Variants in ABCA13 observed in about 807,000 individuals in gnomAD.
ABCA13 encodes the protein ATP-binding cassette sub-family A member 13.
A neutral mutation model predicts 478.7 loss-of-function variants in ABCA13; 476 were observed. That is an observed-to-expected ratio of 0.99 (90% CI 0.92 to 1.07). ABCA13 has a LOEUF of 1.07. ABCA13 is among the 50% of genes least tolerant of loss of function. The pLI is 0.00. For synonymous variants in ABCA13, 2,252 were observed against 2,158.9 expected, an observed-to-expected ratio of 1.04 and a Z score of -1.20; for missense variants, 6,060 against 5,910.6, an observed-to-expected ratio of 1.03 and a Z score of -0.83.
intron 51 of ABCA13, among the ~76,000 whole-genome samples, chr7:48,515,440 G>T (rs1832033726): frequency 6.6e-6 from 1 of 152,174 alleles, no homozygotes; most frequent in Non-Finnish European, 1.5e-5. Flanking sequence ...TGAAGAAAAT[G>T]AGATGTTTTC....
intron 56 of ABCA13, among the ~76,000 whole-genome samples, chr7:48,583,429 C>CTAG (rs1788887084): frequency 6.6e-6 from 1 of 152,122 alleles, no homozygotes; most frequent in African/African-American, 2.4e-5. Flanking sequence ...ATTATGTGTG[C>CTAG]TAGTGGAAAC....
At chr7:48,225,135 G>GCCTTCCTTCCTTCCTTCCTTCCTT (rs1202516045) in intron 5 of ABCA13, among the ~76,000 whole-genome samples, 52 of 69,856 alleles carry the variant, frequency 7.4e-4, no homozygotes, top group Non-Finnish European at 9.4e-4. Flanking sequence ...CTGCCTGCCT[G>GCCTTCCTTCCTTCCTTCCTTCCTT]CCTTCCTTCC....
rs777019123 is a variant in ABCA13, at chr7:48,248,454, T to C, written c.1865+10T>C. On this transcript the variant is annotated intron_variant, in intron 14 of 61. Transcript: ENST00000435803. The stretch of plus-strand genomic sequence containing the variant: ...AGCTTGTCTCCACAGTGTAAGTACA[T>C]GTTTGGTGGGAAACTTATAAACAAT... 1.8e-5 allele frequency: 28 copies of C among 1,557,366 alleles called. No individual in the cohort carries two copies. In the South Asian group the frequency reaches 3.3e-4, roughly 19 times the overall value.
At chr7:48,602,568 G>T (rs1791018371) in intron 58 of ABCA13, among the ~76,000 whole-genome samples, 1 of 152,122 alleles carries the variant, frequency 6.6e-6, no homozygotes, top group South Asian at 2.1e-4. Flanking sequence ...CCTCTGTTCT[G>T]TTCCCTTGGT....
At chr7:48,267,799 T>C (rs547450129) in intron 15 of ABCA13, among the ~76,000 whole-genome samples, 11 of 152,320 alleles carry the variant, frequency 7.2e-5, no homozygotes, top group African/African-American at 2.2e-4. Flanking sequence ...TTTCTCTTCT[T>C]TATGGGTCAT....
At chr7:48,462,448 C>T (rs552255415) in intron 43 of ABCA13, among the ~76,000 whole-genome samples, 3 of 151,746 alleles carry the variant, frequency 2.0e-5, no homozygotes, top group Non-Finnish European at 4.4e-5. Flanking sequence ...AGGATTCCCC[C>T]CCCCCTACTG....
At chr7:48,568,708 G>A (rs910939075) in intron 55 of ABCA13, among the ~76,000 whole-genome samples, 7 of 151,950 alleles carry the variant, frequency 4.6e-5, no homozygotes, top group Non-Finnish European at 8.8e-5. Flanking sequence ...ATATTTGGTA[G>A]AACTCACCAG....
At chr7:48,357,639 A>C (rs1455944975) in intron 31 of ABCA13, among the ~76,000 whole-genome samples, 1 of 151,996 alleles carries the variant, frequency 6.6e-6, no homozygotes, top group Non-Finnish European at 1.5e-5. Context: ...ACATTTAAAA[A>C]AATCATCTCA....
At chr7:48,608,148 T>C (rs1392563460) in intron 58 of ABCA13, among the ~76,000 whole-genome samples, 2 of 152,210 alleles carry the variant, frequency 1.3e-5, no homozygotes, top group African/African-American at 2.4e-5. Context: ...CCCAAAGTGC[T>C]GGGATTACAG....
intron 5 of ABCA13, among the ~76,000 whole-genome samples, chr7:48,226,124 TG>T (rs2128980551): frequency 6.6e-6 from 1 of 152,144 alleles, no homozygotes; most frequent in African/African-American, 2.4e-5. Context: ...TGCATAAAGT[TG>T]TAGCTATTGA....
chr7:48,551,833 A>C (rs1275407342), intron 55 of ABCA13, among the ~76,000 whole-genome samples: 1 of 151,820 alleles, frequency 6.6e-6, no homozygotes, highest in Non-Finnish European at 1.5e-5. Context: ...AAAGACAAGA[A>C]TGCACATGCC....
At chr7:48,609,348 G>A (rs1414940388) in intron 58 of ABCA13, among the ~76,000 whole-genome samples, 2 of 152,020 alleles carry the variant, frequency 1.3e-5, no homozygotes, top group Non-Finnish European at 1.5e-5. Context: ...CCATATCCAT[G>A]CAGTACAAAG....
chr7:48,575,948 GA>G (rs562787405), intron 55 of ABCA13, among the ~76,000 whole-genome samples: 18 of 151,960 alleles, frequency 1.2e-4, no homozygotes, highest in Non-Finnish European at 2.5e-4. Context: ...AAAATATTCA[GA>G]AAAAAAGGGA....
chr7:48,182,954 C>T (rs1245894115), intron 1 of ABCA13, among the ~76,000 whole-genome samples: 1 of 152,208 alleles, frequency 6.6e-6, no homozygotes, highest in Non-Finnish European at 1.5e-5. Flanking sequence ...CAAAATACAT[C>T]TGGGAAAGTC....
intron 55 of ABCA13, among the ~76,000 whole-genome samples, chr7:48,551,686 A>G (rs1249829040): frequency 2.7e-5 from 4 of 150,742 alleles, no homozygotes; most frequent in African/African-American, 7.3e-5. Flanking sequence ...TTCATTCATT[A>G]TAATAATGCT....
rs902357440 is a variant in ABCA13, at chr7:48,392,005, C to T, written c.11739C>T (p.Val3913=). The T allele has an allele frequency of 6.2e-7, 1 of 1,613,874 alleles. No homozygotes were observed. Among genetic ancestry groups the T allele is most frequent in the African/African-American group, 1.3e-5 (1 of 74,908 alleles). Residue 3913 remains valine, a synonymous_variant, in exon 38 of 62, where the codon GTC becomes GTT. Coordinates refer to ENST00000435803, the MANE Select transcript of ABCA13 (RefSeq NM_152701.5). ...GKNLQTDLSR[V]RMELGVCPQQ... ...ACCTACAGACAGACCTGTCGAGGGT[C>T]AGAATGGAGCTTGGTGTGTGTCCGC...
intron 9 of ABCA13, among the ~76,000 whole-genome samples, chr7:48,240,262 T>C (rs1167237293): frequency 6.6e-6 from 1 of 152,214 alleles, no homozygotes; most frequent in Non-Finnish European, 1.5e-5. Context: ...ATGACCAGCA[T>C]CCAATGGTCT....
chr7:48,559,790 G>T (rs1188138301), intron 55 of ABCA13, among the ~76,000 whole-genome samples: 1 of 152,148 alleles, frequency 6.6e-6, no homozygotes, highest in Non-Finnish European at 1.5e-5. Context: ...CAAGGCAGCG[G>T]GTTCCCTTCT....
Position 48,233,175 on chromosome 7 carries a change from C to CT in ABCA13, c.764-835dup, listed in dbSNP as rs1217787744. 1.1e-4 allele frequency among the ~76,000 whole-genome samples: 16 copies of CT among 152,000 alleles called. No homozygotes were observed. In the East Asian group the frequency reaches 2.5e-3, roughly 24 times the overall value. On this transcript the variant is annotated intron_variant, in intron 7 of 61. Transcript: ENST00000435803. ...GTCTTTGTGAATGTCATGGATTGTGCTTTTTTTTGTAGACCTCACTGCAAT... is the reference window on the plus strand; with the variant it reads ...GTCTTTGTGAATGTCATGGATTGTGCTTTTTTTTTGTAGACCTCACTGCAAT...
Sources: allele counts gnomAD v4.1 joint callset (sites outside exome capture counted in the v4.1 genomes callset), GRCh38; gene constraint gnomAD v4.1.1; transcripts MANE v1.5; gene names NCBI Gene and HGNC (gene_info 2026-07-23, HGNC 2026-07-21).